Variants in CARD8 observed in about 807,000 individuals in gnomAD.
CARD8 encodes caspase recruitment domain-containing protein 8.
A neutral mutation model predicts 53.2 loss-of-function variants in CARD8; 38 were observed. That is an observed-to-expected ratio of 0.71 (90% CI 0.55 to 0.94). The LOEUF (loss-of-function observed/expected upper bound fraction) is 0.94. Among genes scored for constraint, CARD8 ranks in the 40% least tolerant of loss-of-function variants. CARD8 has a pLI of 0.00. For synonymous variants in CARD8, 245 were observed against 244.9 expected, an observed-to-expected ratio of 1.00 and a Z score of 0.00; for missense variants, 561 against 655.5, an observed-to-expected ratio of 0.86 and a Z score of 1.57.
At chr19:48,233,298 T>C (rs1462653401) in intron 6 of CARD8, 2 of 455,960 alleles carry the variant, frequency 4.4e-6, no homozygotes, top group East Asian at 1.4e-4. Flanking sequence ...ACCAACTCCA[T>C]CAAATTCTCT....
rs779280030 is a variant in CARD8 at position 48,216,248 on chromosome 19, A to G, written c.1304-864T>C. 3.3e-5 allele frequency among the ~76,000 whole-genome samples: 5 copies of G among 152,308 alleles called. No homozygotes were observed. The South Asian group carries it at 1.0e-3, about 32-fold the overall frequency. On this transcript the variant is annotated intron_variant, in intron 12 of 13. Transcript: ENST00000651546. The stretch of plus-strand genomic sequence containing the variant: ...ACAGAGAAATGGAGAGTGTGGTGGC[A>G]TTTGCTTACTCAAAATATGTATTGC...
chr19:48,206,389 T>C, downstream of CARD8: 1 of 456,140 alleles, frequency 2.2e-6, no homozygotes, highest in Non-Finnish European at 4.4e-6. Context: ...CCTACCGTAT[T>C]GGATAGTGAA....
chr19:48,255,503 T>A (rs1202129509), intron 1 of CARD8, among the ~76,000 whole-genome samples: 1 of 152,208 alleles, frequency 6.6e-6, no homozygotes, highest in Non-Finnish European at 1.5e-5. Flanking sequence ...TAAAAATTAT[T>A]ATTACAGAAA....
downstream of CARD8, chr19:48,203,383 G>A (rs2037236483): frequency 6.6e-6 from 1 of 152,184 alleles, no homozygotes; most frequent in African/African-American, 2.4e-5. Context: ...AGCTTATCAA[G>A]TATGAAGCCA....
At chr19:48,250,534 C>T (rs2046814446) in intron 1 of CARD8, among the ~76,000 whole-genome samples, 1 of 152,154 alleles carries the variant, frequency 6.6e-6, no homozygotes, top group Non-Finnish European at 1.5e-5. Context: ...TGACAACTTT[C>T]AGATTTCTCC....
At chr19:48,232,280 A>C (rs1311517456) in intron 7 of CARD8, among the ~76,000 whole-genome samples, 173 bp downstream of exon 7, 1 of 152,202 alleles carries the variant, frequency 6.6e-6, no homozygotes, top group Non-Finnish European at 1.5e-5. Flanking sequence ...TCCATGCCCC[A>C]GCAGTGACAG....
At chr19:48,207,408 T>C (rs1251757610), downstream of CARD8, among the ~76,000 whole-genome samples, 1 of 152,114 alleles carries the variant, frequency 6.6e-6, no homozygotes, top group African/African-American at 2.4e-5. Context: ...AGAACTTACA[T>C]TTGTGCTCCA....
chr19:48,231,735 T>C lies in CARD8; in HGVS notation c.467A>G (p.Tyr156Cys). ...AGGCCCCAGAAACTGACGATTTTTA[T>C]AATCTTCTTCGATCTCAAAACAGAC... is the stretch of plus-strand genomic sequence containing the variant. ...SKVCFEIEED[Y>C]KNRQFLGPEG... Residue 156 changes from tyrosine to cysteine, a missense_variant, in exon 8 of 14, where the codon TAT becomes TGT. Tyr to Cys is a radical substitution (Grantham distance 194). Transcript: ENST00000651546. The C allele has an allele frequency of 6.2e-7, 1 of 1,613,760 alleles. No individual in the cohort carries two copies. Among genetic ancestry groups the C allele is most frequent in the Non-Finnish European group, 8.5e-7 (1 of 1,179,824 alleles).
In CARD8 at chr19:48,223,632, G is replaced by A. The variant is rs567104159; in HGVS notation, c.1036-1777C>T. ...TTTAAATTAAATTATAGTAATAACA[G>A]ATTAGAACTAAATCACCAAATAAAT... On this transcript the variant is annotated intron_variant, in intron 10 of 13. Transcript: ENST00000651546. 751 of 303,426 alleles carry A rather than the reference G, an allele frequency of 2.5e-3. 6 individuals carry two copies. The highest frequency in any genetic ancestry group is 2.3e-3 in the Non-Finnish European group (357 of 153,190). 18.8% of individuals were successfully genotyped at this position (303,426 alleles called of 1,614,324 possible). A position where few individuals can be genotyped will look rare whatever the true frequency, so the allele number is the denominator to read the frequency against.
intron 13 of CARD8, among the ~76,000 whole-genome samples, chr19:48,214,117 G>A (rs2038663073): frequency 6.6e-6 from 1 of 152,070 alleles, no homozygotes; most frequent in Non-Finnish European, 1.5e-5. Context: ...GCCCTTCTGG[G>A]ACTAAATCAT....
chr19:48,252,594 A>C (rs1375254054), intron 1 of CARD8, among the ~76,000 whole-genome samples: 1 of 151,582 alleles, frequency 6.6e-6, no homozygotes, highest in Non-Finnish European at 1.5e-5. Flanking sequence ...TCCTGGATTC[A>C]AGCAATCCTC....
Position 48,211,724 on chromosome 19 carries a change from G to A in CARD8, c.1600C>T (p.Gln534Ter). 6.2e-7 allele frequency: 1 copy of A among 1,614,042 alleles called. No homozygotes were observed. The highest frequency in any genetic ancestry group is 8.5e-7 in the Non-Finnish European group (1 of 1,179,974). ...RDPYLVSYLR[Q>*]QNL ...ACTGACTCATTTTACAAATTCTGCT[G>A]TCTAAGATAGGACACGAGGTAAGGG... The change falls in exon 14 of 14, where the codon CAG (glutamine) becomes TAG (stop). Residue 534 changes from glutamine to a stop codon, truncating the protein, a stop_gained. Transcript: ENST00000651546. LOFTEE classifies it high-confidence loss of function.
At chr19:48,247,054 T>C (rs1211817283) in intron 3 of CARD8, among the ~76,000 whole-genome samples, 1 of 152,222 alleles carries the variant, frequency 6.6e-6, no homozygotes, top group Non-Finnish European at 1.5e-5. Context: ...CCAGGCGCTA[T>C]GGCTCAAGCC....
chr19:48,232,618 T>C, intron 6 of CARD8, 125 bp from the exon 7 acceptor site: 1 of 814,028 alleles, frequency 1.2e-6, no homozygotes, highest in Non-Finnish European at 2.0e-6. Flanking sequence ...TACCCGGATA[T>C]GCTATTTAAA....
rs185267343 is a variant in CARD8, at chr19:48,249,058, G to A, written c.-44+465C>T. Among the ~76,000 whole-genome samples, 7 of 152,202 alleles carry A rather than the reference G, an allele frequency of 4.6e-5. No homozygotes were observed. In the East Asian group the frequency reaches 9.7e-4, roughly 21 times the overall value. On this transcript the variant is annotated intron_variant, in intron 3 of 13. Coordinates refer to ENST00000651546, the MANE Select transcript of CARD8 (RefSeq NM_001184900.3). ...CTAAAAATACAAAAATTAGTCGTGC[G>A]TGGTGGCGGGCGCCTGTCACCCCAG...
downstream of CARD8, among the ~76,000 whole-genome samples, chr19:48,207,184 G>A (rs199584356): frequency 4.7e-3 from 434 of 91,502 alleles, 6 homozygotes; most frequent in Middle Eastern, 0.011. Flanking sequence ...AAAAAGAAAA[G>A]AAAAGAAAAA....
intron 5 of CARD8, among the ~76,000 whole-genome samples, chr19:48,237,630 C>T (rs546334816): frequency 6.6e-6 from 1 of 151,818 alleles, no homozygotes; most frequent in Non-Finnish European, 1.5e-5. Flanking sequence ...AACCCCGTAT[C>T]TACTAAAAAT....
At chr19:48,232,719 T>C (rs991032214) in intron 6 of CARD8, 1 of 664,398 alleles carries the variant, frequency 1.5e-6, no homozygotes, top group Non-Finnish European at 2.8e-6. Context: ...CTCACGGCTA[T>C]AACACTGTGT....
intron 3 of CARD8, among the ~76,000 whole-genome samples, chr19:48,248,121 A>G (rs1175078344): frequency 6.6e-6 from 1 of 152,226 alleles, no homozygotes; most frequent in Non-Finnish European, 1.5e-5. Flanking sequence ...CAAGAAAAAA[A>G]TGCAAAATTA....
Sources: allele counts gnomAD v4.1 joint callset (sites outside exome capture counted in the v4.1 genomes callset), GRCh38; gene constraint gnomAD v4.1.1; transcripts MANE v1.5; gene names NCBI Gene and HGNC (gene_info 2026-07-23, HGNC 2026-07-21).